The following DAPK1 variants were observed in gnomAD, a reference collection of about 807,000 sequenced individuals.
The protein encoded by DAPK1 is death-associated protein kinase 1.
Under a neutral mutation model 144.9 loss-of-function variants are expected in DAPK1, and 56 were observed. The ratio of observed to expected loss-of-function variants is 0.39; its 90% confidence interval spans 0.31 to 0.48. The LOEUF is 0.48. Among genes scored for constraint, DAPK1 ranks in the 20% least tolerant of loss-of-function variants. The pLI, the probability that DAPK1 is intolerant of heterozygous loss-of-function variation, is 0.95. For synonymous variants in DAPK1, 690 were observed against 749.0 expected (o/e 0.92, Z 1.29); for missense variants, 1,454 against 1,875.4 (o/e 0.78, Z 4.15).
chr9:87,676,662 G>C (rs190620389), intron 19 of DAPK1, among the ~76,000 whole-genome samples: 1 of 152,382 alleles, frequency 6.6e-6, no homozygotes. Context: ...GGTGAAGGGT[G>C]AGTGGGCACA....
At chr9:87,687,501 C>A (rs1359876532) in intron 21 of DAPK1, among the ~76,000 whole-genome samples, 1 of 152,146 alleles carries the variant, frequency 6.6e-6, no homozygotes, top group African/African-American at 2.4e-5. Flanking sequence ...AAATAGTGTT[C>A]TGTTATGTGT....
chr9:87,697,466 C>A (rs1460712109), intron 22 of DAPK1, among the ~76,000 whole-genome samples: 3 of 152,214 alleles, frequency 2.0e-5, no homozygotes, highest in Non-Finnish European at 4.4e-5. Flanking sequence ...ATTGCATATT[C>A]CTGCCTCAAA....
intron 8 of DAPK1, 43 bp from the exon 9 acceptor site, chr9:87,640,759 G>T (rs1297741960): frequency 3.1e-6 from 5 of 1,604,588 alleles, no homozygotes; most frequent in Non-Finnish European, 4.3e-6. Context: ...AGTATTTGCT[G>T]CTATGGTCAC....
chr9:87,650,183 A>G (rs1253666821), intron 16 of DAPK1, 65 bp downstream of exon 16: 1 of 1,536,718 alleles, frequency 6.5e-7, no homozygotes, highest in Non-Finnish European at 8.9e-7. Flanking sequence ...GGACCACAAG[A>G]CTCCTCAGTT....
intron 19 of DAPK1, among the ~76,000 whole-genome samples, chr9:87,670,493 GCTT>G (rs1831215480): frequency 1.3e-5 from 2 of 152,148 alleles, no homozygotes; most frequent in Non-Finnish European, 2.9e-5. Context: ...AGGCTGAAAG[GCTT>G]CTTCGACAGG....
intron 2 of DAPK1, 142 bp downstream of exon 2, chr9:87,499,281 A>G (rs1824309239): frequency 1.3e-6 from 1 of 784,662 alleles, no homozygotes; most frequent in South Asian, 1.7e-5. Flanking sequence ...GAAAAGAGTT[A>G]CTAACCCAGC....
intron 2 of DAPK1, among the ~76,000 whole-genome samples, chr9:87,510,782 A>G (rs1232618179): frequency 6.6e-6 from 1 of 152,212 alleles, no homozygotes; most frequent in Non-Finnish European, 1.5e-5. Context: ...TCCACAAAAC[A>G]CATTAGCTGT....
intron 2 of DAPK1, among the ~76,000 whole-genome samples, chr9:87,517,141 G>A (rs1189617816): frequency 3.3e-5 from 5 of 152,116 alleles, no homozygotes; most frequent in Non-Finnish European, 5.9e-5. Context: ...TGAAGAATGC[G>A]ATTGGGGGCA....
chr9:87,598,750 T>C (rs1024355450), intron 2 of DAPK1, among the ~76,000 whole-genome samples: 6 of 152,204 alleles, frequency 3.9e-5, no homozygotes, highest in African/African-American at 1.4e-4. Flanking sequence ...ACTGACTGGA[T>C]TAAACAAAAG....
chr9:87,693,448 A>G (rs983805431), intron 21 of DAPK1, among the ~76,000 whole-genome samples: 1 of 151,998 alleles, frequency 6.6e-6, no homozygotes, highest in African/African-American at 2.4e-5. Flanking sequence ...TAAACTTCTC[A>G]TAATATTCTG....
At chr9:87,679,444 G>A (rs1389010983) in intron 19 of DAPK1, among the ~76,000 whole-genome samples, 1 of 152,112 alleles carries the variant, frequency 6.6e-6, no homozygotes, top group Non-Finnish European at 1.5e-5. Flanking sequence ...AGGAGTGGTG[G>A]GAAGGGATGG....
intron 12 of DAPK1, 97 bp downstream of exon 12, chr9:87,646,111 T>C (rs1830258757): frequency 7.0e-7 from 1 of 1,421,548 alleles, no homozygotes. Context: ...CCATTCTCCC[T>C]TCCAATTGGA....
chr9:87,560,193 G>T (rs972977517), intron 2 of DAPK1, among the ~76,000 whole-genome samples: 2 of 151,240 alleles, frequency 1.3e-5, no homozygotes. Context: ...ACGGGGTTTC[G>T]CCATGTTGAC....
intron 3 of DAPK1, among the ~76,000 whole-genome samples, chr9:87,629,454 T>C (rs1352600821): frequency 6.6e-6 from 1 of 152,238 alleles, no homozygotes; most frequent in Admixed American, 6.5e-5. Flanking sequence ...CCACCCAATT[T>C]GTGCTACTTT....
At chr9:87,546,519 G>A (rs10217395) in intron 2 of DAPK1, among the ~76,000 whole-genome samples, 43,658 of 151,988 alleles carry the variant, frequency 0.29, 6,834 homozygotes, top group Non-Finnish European at 0.36. Flanking sequence ...GGAAAGATGG[G>A]CAGGTGAGTT....
intron 21 of DAPK1, among the ~76,000 whole-genome samples, chr9:87,688,597 G>GT (rs963123229): frequency 2.2e-4 from 33 of 151,832 alleles, no homozygotes; most frequent in East Asian, 1.9e-4. Context: ...AGCATCTCTT[G>GT]TTTTTTTGTC....
At chr9:87,530,241 A>G (rs965267074) in intron 2 of DAPK1, among the ~76,000 whole-genome samples, 16 of 152,186 alleles carry the variant, frequency 1.1e-4, no homozygotes, top group South Asian at 2.1e-4. Flanking sequence ...TGAGCCTGCC[A>G]CTTTGATTTG....
chr9:87,598,945 A>G (rs1056028991), intron 2 of DAPK1, among the ~76,000 whole-genome samples: 3 of 152,188 alleles, frequency 2.0e-5, no homozygotes, highest in African/African-American at 7.2e-5. Flanking sequence ...ATCTTAAAGC[A>G]AAGGTTTTAA....
chr9:87,518,930 A>AG (rs1156625956), intron 2 of DAPK1, among the ~76,000 whole-genome samples: 1 of 152,036 alleles, frequency 6.6e-6, no homozygotes, highest in Non-Finnish European at 1.5e-5. Context: ...AAAAAAAAAA[A>AG]AAGATTTACG....
Sources: gnomAD v4.1 joint callset for allele counts (sites outside exome capture counted in the v4.1 genomes callset) on GRCh38, gnomAD v4.1.1 for gene constraint, MANE v1.5 for transcripts, NCBI Gene and HGNC (gene_info 2026-07-23, HGNC 2026-07-21) for gene names.